Variants in CRLF3 observed in about 807,000 individuals in gnomAD.
CRLF3 encodes the protein cytokine receptor-like factor 3.
Under a neutral mutation model 55.0 loss-of-function variants are expected in CRLF3, and 33 were observed. That is an observed-to-expected ratio of 0.60 (90% CI 0.46 to 0.80). The LOEUF is 0.80. CRLF3 is among the 30% of genes least tolerant of loss of function. The probability of loss-of-function intolerance (pLI) is 0.00; values close to 1 mark genes in which losing one functional copy is unlikely to be tolerated. For missense variants in CRLF3, 494 were observed against 538.4 expected (o/e 0.92, Z 0.82); for synonymous variants, 238 against 196.8 (o/e 1.21, Z -1.75).
At chr17:30,811,849 G>A (rs1209656530) in intron 1 of CRLF3, among the ~76,000 whole-genome samples, 7 of 138,294 alleles carry the variant, frequency 5.1e-5, no homozygotes, top group African/African-American at 8.1e-5. Context: ...GGTGGCTCAC[G>A]CCTGTAACCC....
chr17:30,812,947 T>C (rs995591732), intron 1 of CRLF3, among the ~76,000 whole-genome samples: 1 of 152,126 alleles, frequency 6.6e-6, no homozygotes, highest in Non-Finnish European at 1.5e-5. Context: ...GACTAGCTAA[T>C]ACTAAGTCTC....
chr17:30,786,876 T>TTTTAGTAGAGACGGGG (rs1254103169), intron 6 of CRLF3: 4 of 151,844 alleles, frequency 2.6e-5, no homozygotes, highest in African/African-American at 7.2e-5. Flanking sequence ...AGTTTTGTAT[T>TTTTAGTAGAGACGGGG]TTTAGTAGAG....
At chr17:30,798,352 TG>T (rs1175288963) in intron 2 of CRLF3, among the ~76,000 whole-genome samples, 2 of 151,454 alleles carry the variant, frequency 1.3e-5, no homozygotes, top group African/African-American at 4.9e-5. Context: ...CACTCCAGCC[TG>T]GGCAAAAGAG....
chr17:30,787,529 C>G (rs78204946), intron 6 of CRLF3: 1 of 124,372 alleles, frequency 8.0e-6, no homozygotes, highest in Admixed American at 8.4e-5. Context: ...GCCAACTTTG[C>G]AAGGACAAAA....
chr17:30,822,172 C>T (rs1905019254), intron 1 of CRLF3, among the ~76,000 whole-genome samples: 1 of 151,986 alleles, frequency 6.6e-6, no homozygotes, highest in Non-Finnish European at 1.5e-5. Context: ...TCTTCTCATG[C>T]TTCTCCCATG....
At chr17:30,812,607 C>G (rs1820727633) in intron 1 of CRLF3, among the ~76,000 whole-genome samples, 1 of 152,146 alleles carries the variant, frequency 6.6e-6, no homozygotes, top group South Asian at 2.1e-4. Context: ...TAATCTGTTA[C>G]AGTAGTGGCC....
intron 2 of CRLF3, among the ~76,000 whole-genome samples, chr17:30,800,482 C>T (rs1231849220): frequency 6.6e-6 from 1 of 152,100 alleles, no homozygotes; most frequent in Non-Finnish European, 1.5e-5. Flanking sequence ...ACTATTTATT[C>T]AGAATCCAAA....
intron 7 of CRLF3, chr17:30,785,174 C>T (rs945224209): frequency 2.7e-5 from 4 of 145,706 alleles, no homozygotes; most frequent in African/African-American, 7.7e-5. Flanking sequence ...CTCCCGGGTT[C>T]AAGCGATTTT....
At chr17:30,786,262 C>T (rs1287512109) in intron 6 of CRLF3, 4 of 353,940 alleles carry the variant, frequency 1.1e-5, no homozygotes, top group South Asian at 4.4e-5. Flanking sequence ...TTTGTTGAGA[C>T]GGAGTCTCGC....
At position 30,812,489 on chromosome 17, in the gene CRLF3, T is replaced by TA. The variant is rs1168664851; in HGVS notation, c.130-8382dup. Among the ~76,000 whole-genome samples, 5 of 152,304 alleles carry TA rather than the reference T, an allele frequency of 3.3e-5. No homozygotes were observed. The South Asian group carries it at 1.0e-3, about 32-fold the overall frequency. ...TCAGTCTGACTCAAGAATGGACTTG[T>TA]AAGCACTGCTATGTTTCTCCTTGTT... On this transcript the variant is annotated intron_variant, in intron 1 of 7. Transcript: ENST00000324238.
In CRLF3 at chr17:30,804,011, G is replaced by T. The variant is rs1398467415; in HGVS notation, c.227C>A (p.Thr76Asn). ...AATGGTGTCCACCTCTTGCAAAAGGGTCACCAATCGCTCATCCAGGAGCTT... is the reference window on the plus strand; with the variant it reads ...AATGGTGTCCACCTCTTGCAAAAGGTTCACCAATCGCTCATCCAGGAGCTT... ...LGKLLDERLV[T>N]LLQEVDTIEQ... Residue 76 changes from threonine (T) to asparagine (N), a missense_variant, in exon 2 of 8, where the codon ACC becomes AAC. Transcript: ENST00000324238. The T allele has an allele frequency of 4.3e-6, 7 of 1,613,180 alleles. No homozygotes were observed. Among genetic ancestry groups the T allele is most frequent in the Non-Finnish European group, 5.9e-6 (7 of 1,179,816 alleles).
At position 30,784,259 on chromosome 17, in the gene CRLF3, A is replaced by C. The variant is rs371052725; in HGVS notation, c.1257T>G (p.Leu419=). The C allele has an allele frequency of 1.9e-6, 3 of 1,613,936 alleles. No homozygotes were observed. Among genetic ancestry groups the C allele is most frequent in the Non-Finnish European group, 2.5e-6 (3 of 1,179,774 alleles). ...NNREVVFDWL[L]DQSCGSLYFG... ...AGTAAAGAGAACCACAAGACTGATC[A>C]AGTAACCAGTCAAAAACCACTTCTC... Residue 419 remains leucine, a synonymous_variant, in exon 8 of 8, where the codon CTT becomes CTG. Coordinates refer to ENST00000324238, the MANE Select transcript of CRLF3 (RefSeq NM_015986.4).
At chr17:30,805,863 T>C (rs1158679829) in intron 1 of CRLF3, among the ~76,000 whole-genome samples, 1 of 151,084 alleles carries the variant, frequency 6.6e-6, no homozygotes, top group Non-Finnish European at 1.5e-5. Context: ...TCTTTACAAA[T>C]AATACAAAAA....
At position 30,805,713 on chromosome 17, in the gene CRLF3, C is replaced by CAAA. The variant is rs58852260; in HGVS notation, c.130-1608_130-1606dup. On this transcript the variant is annotated intron_variant, in intron 1 of 7. Coordinates refer to ENST00000324238, the MANE Select transcript of CRLF3 (RefSeq NM_015986.4). ...TGGGCAACAGAGTGAGACTCCGTCT[C>CAAA]AAAAAAAAAAAAAAAAAAGCAAGCC... Among the ~76,000 whole-genome samples, 15 of 70,966 alleles carry CAAA rather than the reference C, an allele frequency of 2.1e-4. No homozygotes were observed. The East Asian group carries it at 3.1e-3, about 15-fold the overall frequency. 46.6% of individuals were successfully genotyped at this position (70,966 alleles called of 152,430 possible). A position where few individuals can be genotyped will look rare whatever the true frequency, so the allele number is the denominator to read the frequency against.
chr17:30,801,705 A>G (rs1972009955), intron 2 of CRLF3, among the ~76,000 whole-genome samples: 1 of 152,126 alleles, frequency 6.6e-6, no homozygotes, highest in South Asian at 2.1e-4. Context: ...TGCTGGGGTT[A>G]TAGGTGTTAG....
intron 6 of CRLF3, 54 bp from the exon 7 acceptor site, chr17:30,786,085 A>G (rs1971641122): frequency 2.1e-6 from 2 of 956,910 alleles, no homozygotes; most frequent in East Asian, 4.8e-5. Flanking sequence ...AACATGAATG[A>G]TACTTAACAG....
chr17:30,795,419 C>G (rs1275682921), intron 4 of CRLF3, among the ~76,000 whole-genome samples: 1 of 151,872 alleles, frequency 6.6e-6, no homozygotes, highest in African/African-American at 2.4e-5. Context: ...TTGCTTGAAC[C>G]CGGGAGACGG....
chr17:30,788,564 G>C (rs1971704799), intron 6 of CRLF3, among the ~76,000 whole-genome samples: 1 of 150,118 alleles, frequency 6.7e-6, no homozygotes, highest in Non-Finnish European at 1.5e-5. Flanking sequence ...AGCTTCAGCA[G>C]GGACTGACTG....
chr17:30,797,321 G>C lies in CRLF3; in HGVS notation c.415C>G (p.Gln139Glu). Reference protein sequence around the residue: ...WSFTKKASHIQLDSLPEVPLL... With the variant: ...WSFTKKASHIELDSLPEVPLL... ...CACAAACTCTTTTACCTGTCCAACT[G>C]AATGTGCGAGGCCTTTTTGGTAAAG... Residue 139 changes from glutamine to glutamate, a missense_variant, in exon 3 of 8, where the codon CAG (glutamine) becomes GAG (glutamate). Coordinates refer to ENST00000324238, the MANE Select transcript of CRLF3 (RefSeq NM_015986.4). 3 of 1,612,482 alleles carry C rather than the reference G, an allele frequency of 1.9e-6. No individual in the cohort carries two copies. The highest frequency in any genetic ancestry group is 2.2e-5 in the South Asian group (2 of 91,054).
Sources: gnomAD v4.1 joint callset for allele counts (sites outside exome capture counted in the v4.1 genomes callset) on GRCh38, gnomAD v4.1.1 for gene constraint, MANE v1.5 for transcripts, NCBI Gene and HGNC (gene_info 2026-07-23, HGNC 2026-07-21) for gene names.